Variants in NUP98 observed in about 807,000 individuals in gnomAD.
The protein encoded by NUP98 is nucleoporin 98 and 96 precursor, also known as nuclear pore complex protein Nup98-Nup96.
In NUP98, 26 loss-of-function variants were observed where a neutral mutation model predicts 191.9. The ratio of observed to expected loss-of-function variants is 0.14; its 90% CI spans 0.10 to 0.19. The LOEUF (loss-of-function observed/expected upper bound fraction) is 0.19. Among genes scored for constraint, NUP98 ranks in the 10% least tolerant of loss-of-function variants. NUP98 has a pLI of 1.00. For missense variants in NUP98, 1,941 were observed against 2,178.8 expected, an observed-to-expected ratio of 0.89 and a Z score of 2.17; for synonymous variants, 808 against 778.4, an observed-to-expected ratio of 1.04 and a Z score of -0.63.
chr11:3,740,857 C>T (rs772680736), intron 12 of NUP98, among the ~76,000 whole-genome samples: 1 of 150,714 alleles, frequency 6.6e-6, no homozygotes, highest in Non-Finnish European at 1.5e-5. Context: ...CTCGCACTTT[C>T]GCCCAGGCTG....
intron 18 of NUP98, chr11:3,714,649 T>C (rs1430867393): frequency 1.8e-5 from 3 of 163,734 alleles, no homozygotes; most frequent in Non-Finnish European, 3.9e-5. Flanking sequence ...CACAATATAG[T>C]ACTTGTCTTT....
intron 2 of NUP98, 148 bp downstream of exon 2, chr11:3,781,893 GA>G (rs2081982145): frequency 2.1e-6 from 1 of 481,710 alleles, no homozygotes; most frequent in South Asian, 4.5e-5. Context: ...AACTGTTAAA[GA>G]GATCTTATCC....
chr11:3,770,607 A>G (rs536442853), intron 7 of NUP98, among the ~76,000 whole-genome samples: 13 of 152,086 alleles, frequency 8.5e-5, no homozygotes, highest in Admixed American at 1.3e-4. Flanking sequence ...ATGAAAAGCT[A>G]TAATTTTTGC....
intron 25 of NUP98, among the ~76,000 whole-genome samples, chr11:3,696,483 C>A (rs542060009): frequency 6.6e-6 from 1 of 151,600 alleles, no homozygotes; most frequent in Non-Finnish European, 1.5e-5. Context: ...GCCTGGGTGA[C>A]AGACCAAGAC....
intron 12 of NUP98, among the ~76,000 whole-genome samples, chr11:3,735,870 C>A: frequency 7.0e-6 from 1 of 142,706 alleles, no homozygotes; most frequent in Non-Finnish European, 1.5e-5. Context: ...TGTAATTGTC[C>A]AAAGGAAATA....
intron 12 of NUP98, 146 bp from the exon 13 acceptor site, chr11:3,735,470 G>T: frequency 2.9e-6 from 1 of 349,400 alleles, no homozygotes; most frequent in Non-Finnish European, 4.8e-6. Context: ...GGCAGAATGT[G>T]TGTAGAGCAA....
At position 3,768,583 on chromosome 11, in the gene NUP98, T is replaced by C. The variant is rs1441862927; in HGVS notation, c.946A>G (p.Met316Val). 6 of 1,574,746 alleles carry C rather than the reference T, an allele frequency of 3.8e-6. No individual in the cohort carries two copies. Among genetic ancestry groups the C allele is most frequent in the South Asian group, 1.2e-5 (1 of 85,738 alleles). The change falls in exon 8 of 33, where the codon ATG (methionine) becomes GTG (valine). Residue 316 changes from methionine to valine, a missense_variant and splice_region_variant. Physicochemically the swap from Met to Val is conservative, Grantham distance 21. Transcript: ENST00000324932. ...STIGQPSTNT[M>V]GLFGVTQASQ... ...TAAGTAAGGGTCTGTTTCCTTACCA[T>C]GGTGTTGGTGCTTGGCTGTCCTATG...
At chr11:3,720,242 C>T (rs1458870498) in intron 17 of NUP98, among the ~76,000 whole-genome samples, 1 of 152,148 alleles carries the variant, frequency 6.6e-6, no homozygotes, top group Non-Finnish European at 1.5e-5. Flanking sequence ...AGAAAATTAT[C>T]AGTAATAATA....
intron 13 of NUP98, among the ~76,000 whole-genome samples, chr11:3,734,447 C>A (rs2079969660): frequency 6.6e-6 from 1 of 152,154 alleles, no homozygotes; most frequent in Non-Finnish European, 1.5e-5. Flanking sequence ...TTACTATGAT[C>A]CTGGTATGCA....
intron 21 of NUP98, 108 bp downstream of exon 21, chr11:3,706,337 G>T: frequency 1.0e-6 from 1 of 1,000,550 alleles, no homozygotes; most frequent in African/African-American, 1.6e-5. Flanking sequence ...CCCCATTACA[G>T]TGAGCACTCA....
chr11:3,716,292 T>C (rs1173991788), intron 18 of NUP98, among the ~76,000 whole-genome samples: 1 of 152,198 alleles, frequency 6.6e-6, no homozygotes, highest in Admixed American at 6.5e-5. Flanking sequence ...GATATCCAGT[T>C]TGCCAGCATC....
chr11:3,744,704 G>T, intron 11 of NUP98, 55 bp from the exon 12 acceptor site: 2 of 1,551,698 alleles, frequency 1.3e-6, no homozygotes, highest in Non-Finnish European at 1.7e-6. Context: ...TCAATGTTGT[G>T]CCAGAGGTCA....
chr11:3,676,538 T>C lies in NUP98; in HGVS notation c.5156A>G (p.Tyr1719Cys). 2.5e-6 allele frequency: 4 copies of C among 1,614,178 alleles called. No individual in the cohort carries two copies. Among genetic ancestry groups the C allele is most frequent in the Non-Finnish European group, 1.7e-6 (2 of 1,179,998 alleles). ...LCSRIEQIQC[Y>C]SAKDRLAQSD... ...CTGAGCCAGGCGATCTTTAGCACTG[T>C]AACACTGAATCTGCTCTATCCGACT... Residue 1719 changes from tyrosine to cysteine, a missense_variant, in exon 32 of 33, where the codon TAC becomes TGC. Tyr to Cys is a radical substitution (Grantham distance 194). Coordinates refer to ENST00000324932, the MANE Select transcript of NUP98 (RefSeq NM_016320.5).
chr11:3,699,189 A>G lies in NUP98; in HGVS notation c.3902T>C (p.Ile1301Thr). Residue 1301 changes from isoleucine (I) to threonine (T), a missense_variant, in exon 25 of 33, where the codon ATT (isoleucine) becomes ACT (threonine). This residue lies in a region of NUP98 where 1,030 missense variants were observed against 1,115.8 expected (regional missense o/e 0.92). Coordinates refer to ENST00000324932, the MANE Select transcript of NUP98 (RefSeq NM_016320.5). ...TTGGGTTAAGGAGACTTCCTCTTCA[A>G]TCTGAGGTGTGGCAGTACAGGATAG... ...RWLSCTATPQIEEEVSLTQKN... is the reference protein window; with the variant it reads ...RWLSCTATPQTEEEVSLTQKN... 6.2e-7 allele frequency: 1 copy of G among 1,614,112 alleles called. No individual in the cohort carries two copies. The highest frequency in any genetic ancestry group is 1.1e-5 in the South Asian group (1 of 91,076).
chr11:3,761,468 C>T (rs2081165125), intron 9 of NUP98, among the ~76,000 whole-genome samples: 1 of 151,998 alleles, frequency 6.6e-6, no homozygotes, highest in Admixed American at 6.6e-5. Flanking sequence ...CTAAAAAATA[C>T]AAAAATTAAG....
intron 10 of NUP98, among the ~76,000 whole-genome samples, chr11:3,757,287 G>C (rs945903528): frequency 7.3e-5 from 11 of 150,842 alleles, no homozygotes; most frequent in Non-Finnish European, 1.0e-4. Flanking sequence ...TCAGGAGTTC[G>C]AGGCCAGCCT....
At chr11:3,745,987 G>A (rs909268636) in intron 11 of NUP98, among the ~76,000 whole-genome samples, 2 of 152,138 alleles carry the variant, frequency 1.3e-5, no homozygotes, top group African/African-American at 2.4e-5. Flanking sequence ...TAAGACAACA[G>A]GGCCGGGCAC....
chr11:3,693,868 T>C (rs953888636), intron 26 of NUP98, among the ~76,000 whole-genome samples: 19 of 152,206 alleles, frequency 1.2e-4, no homozygotes, highest in Non-Finnish European at 2.6e-4. Flanking sequence ...AGGTAGGCAG[T>C]GATAAGAGAA....
chr11:3,709,270 T>C (rs1041760082), intron 20 of NUP98, among the ~76,000 whole-genome samples: 1 of 152,152 alleles, frequency 6.6e-6, no homozygotes, highest in Non-Finnish European at 1.5e-5. Context: ...TGGCTGGACG[T>C]GGTGGCTTAT....
Sources: gnomAD v4.1 joint callset for allele counts (sites outside exome capture counted in the v4.1 genomes callset) on GRCh38, gnomAD v4.1.1 for gene constraint, gnomAD v4.1.1 regional missense constraint, MANE v1.5 for transcripts, NCBI Gene and HGNC (gene_info 2026-07-23, HGNC 2026-07-21) for gene names.